INTS9: variants seen among roughly 807,000 people sequenced by gnomAD.
The protein encoded by INTS9 is protein related to CPSF subunits of 74 kDa.
A neutral mutation model predicts 79.7 loss-of-function variants in INTS9; 55 were observed. The ratio of observed to expected loss-of-function variants is 0.69; its 90% CI spans 0.56 to 0.86. The LOEUF is 0.86. Among genes scored for constraint, INTS9 ranks in the 40% least tolerant of loss-of-function variants. The pLI is 0.00. For synonymous variants in INTS9, 319 were observed against 325.2 expected (o/e 0.98, Z 0.20); for missense variants, 721 against 831.5 (o/e 0.87, Z 1.64).
At chr8:28,838,111 GCA>G (rs1806920293) in intron 4 of INTS9, among the ~76,000 whole-genome samples, 1 of 151,934 alleles carries the variant, frequency 6.6e-6, no homozygotes, top group Admixed American at 6.6e-5. Context: ...GAAACTGCAA[GCA>G]GAGAGAGCAG....
rs369630069 is a variant in INTS9, at chr8:28,775,893, G to C, written c.1429C>G (p.Gln477Glu). The C allele has an allele frequency of 6.2e-7, 1 of 1,604,602 alleles. No homozygotes were observed. ...CTGTGGGACTGGGCTGGGGGCGGCT[G>C]AGTGTACTGCTCAGGACACACCACG... is the stretch of plus-strand genomic sequence containing the variant. ...LHVVCPEQYT[Q>E]PPPAQSHRMD... is the part of the protein sequence containing the mutation. Residue 477 changes from glutamine to glutamate, a missense_variant, in exon 14 of 17, where the codon CAG (glutamine) becomes GAG (glutamate). Transcript: ENST00000521022.
At chr8:28,773,063 C>T (rs1478159779) in intron 14 of INTS9, among the ~76,000 whole-genome samples, 1 of 152,182 alleles carries the variant, frequency 6.6e-6, no homozygotes, top group Non-Finnish European at 1.5e-5. Context: ...GAAATTCTAA[C>T]TTCAGAAAAT....
Position 28,813,580 on chromosome 8 carries a change from T to A in INTS9, c.521A>T (p.Glu174Val). The A allele has an allele frequency of 6.2e-7, 1 of 1,613,796 alleles. No individual in the cohort carries two copies. The highest frequency in any genetic ancestry group is 2.2e-5 in the East Asian group (1 of 44,856). Residue 174 changes from glutamate to valine, a missense_variant, in exon 7 of 17, where the codon GAA becomes GTA. Around this residue, in one of 3 missense-constraint regions of INTS9, gnomAD observed 291 missense variants for 307.0 expected, o/e 0.95. Coordinates refer to ENST00000521022, the MANE Select transcript of INTS9 (RefSeq NM_018250.4). ...LLPSPLKDAV[E>V]VSTWRRCYTM... ...ATAGCATCTTCTCCAGGTTGAGACTTCCACTGCATCCTTGAGAGGAGAAGG... is the reference window on the plus strand; with the variant it reads ...ATAGCATCTTCTCCAGGTTGAGACTACCACTGCATCCTTGAGAGGAGAAGG...
intron 8 of INTS9, among the ~76,000 whole-genome samples, chr8:28,805,957 G>T (rs575240066): frequency 6.6e-6 from 1 of 152,180 alleles, no homozygotes; most frequent in East Asian, 1.9e-4. Context: ...GGCCAAGCAC[G>T]GTGGCTCATG....
At chr8:28,773,301 A>C (rs1052119170) in intron 14 of INTS9, among the ~76,000 whole-genome samples, 8 of 151,896 alleles carry the variant, frequency 5.3e-5, no homozygotes, top group South Asian at 2.1e-4. Flanking sequence ...GTCTCTACTA[A>C]AAATACAAAA....
intron 6 of INTS9, among the ~76,000 whole-genome samples, chr8:28,817,903 T>A (rs1454640172): frequency 6.6e-6 from 1 of 151,438 alleles, no homozygotes; most frequent in Non-Finnish European, 1.5e-5. Flanking sequence ...AGGTATTTTA[T>A]TCTCTTTGAA....
chr8:28,792,487 A>G (rs1224944276), intron 10 of INTS9, among the ~76,000 whole-genome samples: 3 of 152,054 alleles, frequency 2.0e-5, no homozygotes, highest in East Asian at 1.9e-4. Flanking sequence ...AACTTCTTGC[A>G]AAAAAACAAA....
chr8:28,846,246 A>T (rs1807501202), intron 4 of INTS9, among the ~76,000 whole-genome samples: 1 of 152,212 alleles, frequency 6.6e-6, no homozygotes, highest in Admixed American at 6.5e-5. Context: ...CCACACCCTA[A>T]CAGCAAGTCT....
In INTS9 at chr8:28,767,988, G is replaced by T. The variant is rs1802306480; in HGVS notation, c.*158C>A. On this transcript the variant is annotated 3_prime_UTR_variant, in exon 17 of 17. Transcript: ENST00000521022. The stretch of plus-strand genomic sequence containing the variant: ...TTGCCTGAAACAGTGCTGGGAATAA[G>T]TCCAGACCATTTCCCTCAAGAGCCA... 1.4e-6 allele frequency: 1 copy of T among 703,822 alleles called. No individual in the cohort carries two copies. Among genetic ancestry groups the T allele is most frequent in the Admixed American group, 2.2e-5 (1 of 44,994 alleles). 43.6% of individuals were successfully genotyped at this position (703,822 alleles called of 1,614,324 possible).
At chr8:28,787,468 A>G (rs1221094344) in intron 11 of INTS9, among the ~76,000 whole-genome samples, 2 of 152,228 alleles carry the variant, frequency 1.3e-5, no homozygotes, top group Non-Finnish European at 2.9e-5. Context: ...ATGTTCCAGT[A>G]TCTGAACTTT....
chr8:28,878,548 G>A (rs1809515492), intron 1 of INTS9, among the ~76,000 whole-genome samples: 1 of 150,792 alleles, frequency 6.6e-6, no homozygotes, highest in Non-Finnish European at 1.5e-5. Flanking sequence ...ACTCAAACTT[G>A]CGAGCTCAAG....
intron 6 of INTS9, among the ~76,000 whole-genome samples, chr8:28,820,659 G>A (rs1805777990): frequency 6.6e-6 from 1 of 152,094 alleles, no homozygotes; most frequent in African/African-American, 2.4e-5. Flanking sequence ...TGACTTTCAA[G>A]GCCAAAGATC....
chr8:28,866,443 G>A lies in INTS9; in HGVS notation c.10-6880C>T, dbSNP rs546406728. On this transcript the variant is annotated intron_variant, in intron 1 of 16. Transcript: ENST00000521022. The stretch of plus-strand genomic sequence containing the variant: ...TCTGTACTATAAGGGGAGCATACGC[G>A]TCAGACTCTCAACACTCTTAAAGCA... Among the ~76,000 whole-genome samples the A allele has an allele frequency of 3.4e-4, 51 of 152,170 alleles. 1 individual carries two copies. Among genetic ancestry groups the A allele is most frequent in the Non-Finnish European group, 5.0e-4 (34 of 68,004 alleles).
chr8:28,857,782 C>T (rs1350049011), intron 2 of INTS9, among the ~76,000 whole-genome samples: 1 of 152,064 alleles, frequency 6.6e-6, no homozygotes, highest in Non-Finnish European at 1.5e-5. Context: ...ATGAAACTTA[C>T]ATGTAGTGGA....
intron 1 of INTS9, among the ~76,000 whole-genome samples, chr8:28,867,950 T>C (rs1808854819): frequency 6.6e-6 from 1 of 152,150 alleles, no homozygotes; most frequent in Admixed American, 6.5e-5. Flanking sequence ...ATAGGAAGTA[T>C]AAAACATTCA....
intron 1 of INTS9, among the ~76,000 whole-genome samples, chr8:28,868,448 CTGTT>C (rs1808883760): frequency 6.6e-6 from 1 of 151,960 alleles, no homozygotes; most frequent in Non-Finnish European, 1.5e-5. Flanking sequence ...CATAAAGAAA[CTGTT>C]TTTTTTTTAA....
At chr8:28,870,009 T>C (rs935394265) in intron 1 of INTS9, among the ~76,000 whole-genome samples, 1 of 152,000 alleles carries the variant, frequency 6.6e-6, no homozygotes, top group African/African-American at 2.4e-5. Context: ...GAAATGTTGA[T>C]AGTAAATCAT....
intron 3 of INTS9, among the ~76,000 whole-genome samples, chr8:28,849,487 G>A (rs768844750): frequency 6.6e-6 from 1 of 151,666 alleles, no homozygotes; most frequent in African/African-American, 2.4e-5. Flanking sequence ...CAGAGTCCTA[G>A]AACTGTTTTT....
chr8:28,862,057 C>A, intron 1 of INTS9: 1 of 985,346 alleles, frequency 1.0e-6, no homozygotes, highest in Middle Eastern at 5.2e-4. Flanking sequence ...CAACTGAGTG[C>A]ACGGGAGCAC....
Sources: allele counts gnomAD v4.1 joint callset (sites outside exome capture counted in the v4.1 genomes callset), GRCh38; gene constraint gnomAD v4.1.1; regional missense constraint gnomAD v4.1.1; transcripts MANE v1.5; gene names NCBI Gene and HGNC (gene_info 2026-07-23, HGNC 2026-07-21).